The following PCDHA1 variants were observed in gnomAD, a reference collection of about 807,000 sequenced individuals.
PCDHA1 encodes the protein protocadherin alpha 1, also known as protocadherin alpha-1.
A neutral mutation model predicts 61.3 loss-of-function variants in PCDHA1; 42 were observed. That is an observed-to-expected ratio of 0.69 (90% CI 0.54 to 0.89). The LOEUF is 0.89. PCDHA1 is among the 40% of genes least tolerant of loss of function. The pLI, the probability that PCDHA1 is intolerant of heterozygous loss-of-function variation, is 0.00. For missense variants in PCDHA1, 1,256 were observed against 1,235.3 expected (o/e 1.02, Z -0.25); for synonymous variants, 610 against 553.8 (o/e 1.10, Z -1.43).
chr5:140,823,818 G>A (rs1767884278), intron 1 of PCDHA1: 2 of 1,613,678 alleles, frequency 1.2e-6, no homozygotes, highest in Non-Finnish European at 1.7e-6. Context: ...CATCGCGGGC[G>A]TCGGCGGGCG....
intron 1 of PCDHA1, chr5:140,795,319 G>A (rs1761943300): frequency 6.2e-7 from 1 of 1,614,126 alleles, no homozygotes; most frequent in Non-Finnish European, 8.5e-7. Context: ...GGTTTTCCAT[G>A]TGGAAGTGGA....
chr5:140,804,003 G>A (rs1177330253), intron 1 of PCDHA1: 4 of 223,648 alleles, frequency 1.8e-5, no homozygotes, highest in Non-Finnish European at 2.6e-5. Flanking sequence ...TAGTACAAAT[G>A]TTACTTGCTC....
At chr5:140,844,621 A>C (rs1357757740) in intron 1 of PCDHA1, among the ~76,000 whole-genome samples, 5 of 149,558 alleles carry the variant, frequency 3.3e-5, no homozygotes, top group African/African-American at 9.8e-5. Context: ...TGTTTTCATC[A>C]GAAAAACTAT....
intron 1 of PCDHA1, among the ~76,000 whole-genome samples, chr5:140,941,615 C>T (rs2093129027): frequency 6.6e-6 from 1 of 151,970 alleles, no homozygotes; most frequent in African/African-American, 2.4e-5. Context: ...GTGCCCAGCC[C>T]ATCCTGCTTC....
At chr5:140,964,266 A>G (rs1408040035) in intron 1 of PCDHA1, among the ~76,000 whole-genome samples, 1 of 152,230 alleles carries the variant, frequency 6.6e-6, no homozygotes, top group Admixed American at 6.5e-5. Context: ...CTCCTTAATA[A>G]TTAAGGCAGT....
chr5:140,886,565 C>T (rs1298575680), intron 1 of PCDHA1, among the ~76,000 whole-genome samples: 1 of 152,100 alleles, frequency 6.6e-6, no homozygotes, highest in Admixed American at 6.5e-5. Flanking sequence ...CGGTGGCTCA[C>T]GCCTGTAATC....
chr5:140,884,792 G>A, intron 1 of PCDHA1: 1 of 1,312,776 alleles, frequency 7.6e-7, no homozygotes. Flanking sequence ...AGTTGTTATC[G>A]AATTTAACAA....
intron 1 of PCDHA1, chr5:140,796,036 C>T: frequency 6.2e-7 from 1 of 1,614,188 alleles, no homozygotes; most frequent in South Asian, 1.1e-5. Context: ...TCTCTCACTT[C>T]CCATCTCAGA....
At chr5:140,841,320 A>C (rs2150313499) in intron 1 of PCDHA1, 1 of 1,602,072 alleles carries the variant, frequency 6.2e-7, no homozygotes, top group Non-Finnish European at 8.5e-7. Flanking sequence ...CGACTATTTA[A>C]CATGGATTAT....
intron 1 of PCDHA1, among the ~76,000 whole-genome samples, chr5:140,961,356 CA>C (rs1164957121): frequency 1.3e-5 from 2 of 152,168 alleles, no homozygotes; most frequent in Non-Finnish European, 2.9e-5. Context: ...CTGTAGTCCC[CA>C]TTAGAATTCT....
At chr5:140,802,848 C>T in intron 1 of PCDHA1, 1 of 1,613,536 alleles carries the variant, frequency 6.2e-7, no homozygotes, top group South Asian at 1.1e-5. Context: ...CAACGTGACG[C>T]TGCAGGTGTT....
chr5:140,978,802 T>C, intron 1 of PCDHA1, 147 bp from the exon 2 acceptor site: 1 of 1,483,264 alleles, frequency 6.7e-7, no homozygotes, highest in Non-Finnish European at 9.0e-7. Flanking sequence ...TATGTAGATA[T>C]CATCATAGAG....
At chr5:140,847,615 C>T (rs1488974977) in intron 1 of PCDHA1, 1 of 149,268 alleles carries the variant, frequency 6.7e-6, no homozygotes, top group Non-Finnish European at 1.5e-5. Flanking sequence ...AATAACATTA[C>T]ACAAACTATA....
In PCDHA1 at chr5:140,843,275, A is replaced by T. The variant is rs1225687958; in HGVS notation, c.2394+54591A>T. 5 of 1,595,844 alleles carry T rather than the reference A, an allele frequency of 3.1e-6. No individual in the cohort carries two copies. In the Admixed American group the frequency reaches 5.1e-5, roughly 16 times the overall value. On this transcript the variant is annotated intron_variant, in intron 1 of 3. Coordinates refer to ENST00000504120, the MANE Select transcript of PCDHA1 (RefSeq NM_018900.4). ...GCGCCACCGTCTGCTGGTCCTGGTGAAGGATCATGGTGAACCTGCGCTGAC... is the reference window on the plus strand; with the variant it reads ...GCGCCACCGTCTGCTGGTCCTGGTGTAGGATCATGGTGAACCTGCGCTGAC...
intron 1 of PCDHA1, chr5:140,816,459 G>A (rs1330630931): frequency 2.0e-5 from 3 of 152,012 alleles, no homozygotes; most frequent in African/African-American, 7.2e-5. Flanking sequence ...ACTTTGTCAA[G>A]TAATTCACAT....
chr5:141,009,576 T>C (rs2098411921), intron 3 of PCDHA1, 51 bp from the exon 4 acceptor site: 1 of 1,583,566 alleles, frequency 6.3e-7, no homozygotes. Flanking sequence ...CAGTGTGGCA[T>C]CAAGAGCATG....
intron 1 of PCDHA1, chr5:140,869,060 T>C (rs1490534322): frequency 2.6e-6 from 4 of 1,556,804 alleles, no homozygotes; most frequent in East Asian, 2.2e-5. Context: ...AATCTGGTAC[T>C]GTAAGTGTAA....
intron 3 of PCDHA1, among the ~76,000 whole-genome samples, chr5:140,989,936 C>T (rs564429410): frequency 1.3e-5 from 2 of 152,104 alleles, no homozygotes; most frequent in Non-Finnish European, 2.9e-5. Flanking sequence ...AGATGACATT[C>T]CACGTTTTTC....
At chr5:140,857,375 G>A (rs1554149916) in intron 1 of PCDHA1, 2 of 1,598,360 alleles carry the variant, frequency 1.3e-6, no homozygotes, top group Non-Finnish European at 1.7e-6. Context: ...CGTGTCTGTG[G>A]AGGTGGCCGA....
Sources: gnomAD v4.1 joint callset for allele counts (sites outside exome capture counted in the v4.1 genomes callset) on GRCh38, gnomAD v4.1.1 for gene constraint, MANE v1.5 for transcripts, NCBI Gene and HGNC (gene_info 2026-07-23, HGNC 2026-07-21) for gene names.